Variants in THEMIS2 observed in about 807,000 individuals in gnomAD.
THEMIS2 encodes the protein thymocyte selection associated family member 2.
Under a neutral mutation model 46.8 loss-of-function variants are expected in THEMIS2, and 29 were observed. The observed-to-expected ratio is 0.62, with a 90% confidence interval of 0.46 to 0.84. THEMIS2 has a LOEUF of 0.84. Among genes scored for constraint, THEMIS2 ranks in the 40% least tolerant of loss-of-function variants. The pLI is 0.00. For missense variants in THEMIS2, 698 were observed against 834.7 expected (o/e 0.84, Z 2.02); for synonymous variants, 335 against 349.1 (o/e 0.96, Z 0.45).
chr1:27,879,789 C>A lies in THEMIS2; in HGVS notation c.381C>A (p.Asp127Glu). 1.2e-6 allele frequency: 2 copies of A among 1,614,134 alleles called. No homozygotes were observed. The highest frequency in any genetic ancestry group is 8.5e-7 in the Non-Finnish European group (1 of 1,179,992). ...CAGAGGGCAGGGTGGTGACTGAGGA[C>A]CAGCTCCTCATGCTTGAGGCTGTGG... is the stretch of plus-strand genomic sequence containing the variant. ...IVTEGRVVTE[D>E]QLLMLEAVVM... The change falls in exon 3 of 6, where the codon GAC (aspartate) becomes GAA (glutamate). Residue 127 changes from aspartate (D) to glutamate (E), a missense_variant. Physicochemically the swap from Asp to Glu is conservative, Grantham distance 45. Coordinates refer to ENST00000373921, the MANE Select transcript of THEMIS2 (RefSeq NM_001105556.3).
At position 27,877,328 on chromosome 1, in the gene THEMIS2, T is replaced by C. The variant is rs576771872; in HGVS notation, c.235+600T>C. Among the ~76,000 whole-genome samples, 4 of 152,210 alleles carry C rather than the reference T, an allele frequency of 2.6e-5. No individual in the cohort carries two copies. In the East Asian group the frequency reaches 7.7e-4, roughly 29 times the overall value. On this transcript the variant is annotated intron_variant, in intron 2 of 5. Coordinates refer to ENST00000373921, the MANE Select transcript of THEMIS2 (RefSeq NM_001105556.3). ...GGAGCTCAATTCTTATTATTTTTTT[T>C]TATTTTTACTTTTTGGAGATGGAGT...
chr1:27,877,473 C>CTG (rs2089601548), intron 2 of THEMIS2, among the ~76,000 whole-genome samples: 1 of 151,710 alleles, frequency 6.6e-6, no homozygotes, highest in Non-Finnish European at 1.5e-5. Context: ...CTACAGGCGC[C>CTG]CGCCACCACA....
rs535519556 is a variant in THEMIS2, at chr1:27,882,441, C to T, written c.1117C>T (p.Arg373Trp). ...PEFTSLAVGD[R>W]LEVLGPGQAH... ...GTTCACGTCCCTGGCTGTGGGTGAC[C>T]GGCTGGAGGTGCTGGGGCCTGGCCA... Residue 373 changes from arginine to tryptophan, a missense_variant, in exon 4 of 6, where the codon CGG (arginine) becomes TGG (tryptophan). By Grantham distance (101) the Arg-to-Trp change is moderately radical. Coordinates refer to ENST00000373921, the MANE Select transcript of THEMIS2 (RefSeq NM_001105556.3). The surrounding 1 kb of genome is among the most constrained non-coding windows in gnomAD (Gnocchi z 7.6). 3.7e-6 allele frequency: 6 copies of T among 1,612,346 alleles called. No individual in the cohort carries two copies. The highest frequency in any genetic ancestry group is 1.7e-5 in the Admixed American group (1 of 59,940).
At chr1:27,876,347 G>A (rs1449653931) in intron 1 of THEMIS2, among the ~76,000 whole-genome samples, 3 of 152,088 alleles carry the variant, frequency 2.0e-5, no homozygotes, top group South Asian at 2.1e-4. Context: ...GAGGAGGCAC[G>A]GGGATGTGAA....
At chr1:27,873,455 G>A (rs11587360) in intron 1 of THEMIS2, among the ~76,000 whole-genome samples, 3,262 of 152,210 alleles carry the variant, frequency 0.021, 57 homozygotes, top group Non-Finnish European at 0.034. Context: ...GATGCTGTGT[G>A]GGGGTGCGGG....
chr1:27,882,362 A>C lies in THEMIS2; in HGVS notation c.1038A>C (p.Pro346=). 2.5e-6 allele frequency: 4 copies of C among 1,585,306 alleles called. No homozygotes were observed. Among genetic ancestry groups the C allele is most frequent in the Non-Finnish European group, 3.4e-6 (4 of 1,162,828 alleles). The change falls in exon 4 of 6, where the codon CCA becomes CCC. Residue 346 remains proline (P), a synonymous_variant. Coordinates refer to ENST00000373921, the MANE Select transcript of THEMIS2 (RefSeq NM_001105556.3). This position sits in a 1 kb window ranked among gnomAD's most constrained non-coding sequence, Gnocchi z 7.6. ...TAGGTGCTTTCCAGCCAGGCCGGCC[A>C]CTCCGGGTGGTGGCCACAAAGGACT... The part of the protein sequence containing the change: ...DLLGAFQPGR[P]LRVVATKDCE...
chr1:27,884,997 T>A (rs1290066858), intron 4 of THEMIS2: 1 of 258,138 alleles, frequency 3.9e-6, no homozygotes, highest in East Asian at 1.1e-4. Context: ...TTTGCTTTTT[T>A]CCCCTTCAGC....
At position 27,882,794 on chromosome 1, in the gene THEMIS2, A is replaced by G. The variant is rs3766398; in HGVS notation, c.1470A>G (p.Leu490=). The G allele has an allele frequency of 0.61, 988,056 of 1,613,544 alleles. 311,031 individuals are homozygous for G. Among genetic ancestry groups the G allele is most frequent in the South Asian group, 0.71 (64,355 of 91,044 alleles). ...KITEPFLVVS[L]DSEPGMCFEI... is the part of the protein sequence containing the mutation. ...CAGAGCCATTCTTGGTGGTGAGCCT[A>G]GACTCTGAGCCTGGGATGTGCTTTG... is the stretch of plus-strand genomic sequence containing the variant. Residue 490 remains leucine, a synonymous_variant, in exon 4 of 6, where the codon CTA becomes CTG. Transcript: ENST00000373921. The surrounding 1 kb of genome is among the most constrained non-coding windows in gnomAD (Gnocchi z 7.6).
chr1:27,883,494 C>G (rs572102634), intron 4 of THEMIS2: 3 of 165,064 alleles, frequency 1.8e-5, no homozygotes, highest in East Asian at 1.7e-4. Context: ...TCTTCTGGAA[C>G]CTTCTGTGGC....
rs368929601 is a variant in THEMIS2, at chr1:27,882,158, G to A, written c.834G>A (p.Pro278=). The A allele has an allele frequency of 3.3e-5, 53 of 1,614,172 alleles. No homozygotes were observed. The highest frequency in any genetic ancestry group is 3.7e-5 in the Non-Finnish European group (44 of 1,180,018). The change falls in exon 4 of 6, where the codon CCG becomes CCA. Residue 278 remains proline, a synonymous_variant. Transcript: ENST00000373921. The surrounding 1 kb of genome is among the most constrained non-coding windows in gnomAD (Gnocchi z 7.6). ...VPEGRPIFLS[P]WVGSLQKGQR... ...AGGGCCGCCCCATCTTCCTCAGCCC[G>A]TGGGTGGGCTCCTTGCAAAAAGGCC...
chr1:27,875,867 AT>A (rs1337193210), intron 1 of THEMIS2, among the ~76,000 whole-genome samples: 1 of 151,352 alleles, frequency 6.6e-6, no homozygotes, highest in Non-Finnish European at 1.5e-5. Flanking sequence ...TGCCTGGCTA[AT>A]TTTTTTTGTA....
Position 27,882,436 on chromosome 1 carries a change from GTGACCGGC to G in THEMIS2, c.1115_1122del (p.Asp372GlyfsTer15). 6.2e-7 allele frequency: 1 copy of G among 1,612,622 alleles called. No homozygotes were observed. Among genetic ancestry groups the G allele is most frequent in the African/African-American group, 1.3e-5 (1 of 75,038 alleles). On this transcript the variant is annotated frameshift_variant, in exon 4 of 6. Coordinates refer to ENST00000373921, the MANE Select transcript of THEMIS2 (RefSeq NM_001105556.3). LOFTEE classifies it high-confidence loss of function. The surrounding 1 kb of genome is among the most constrained non-coding windows in gnomAD (Gnocchi z 7.6). ...CCCGAGTTCACGTCCCTGGCTGTGG[GTGACCGGC>G]TGGAGGTGCTGGGGCCTGGCCAGGC...
chr1:27,882,152 C>G lies in THEMIS2; in HGVS notation c.828C>G (p.Leu276=). 1 of 1,614,212 alleles carries G rather than the reference C, an allele frequency of 6.2e-7. No homozygotes were observed. Among genetic ancestry groups the G allele is most frequent in the South Asian group, 1.1e-5 (1 of 91,090 alleles). The change falls in exon 4 of 6, where the codon CTC becomes CTG. Residue 276 remains leucine (L), a synonymous_variant. Transcript: ENST00000373921. This position sits in a 1 kb window ranked among gnomAD's most constrained non-coding sequence, Gnocchi z 7.6. ...TTCCTGAGGGCCGCCCCATCTTCCTCAGCCCGTGGGTGGGCTCCTTGCAAA... is the reference window on the plus strand; with the variant it reads ...TTCCTGAGGGCCGCCCCATCTTCCTGAGCCCGTGGGTGGGCTCCTTGCAAA... ...LEVPEGRPIF[L]SPWVGSLQKG... is the part of the protein sequence containing the mutation.
intron 3 of THEMIS2, among the ~76,000 whole-genome samples, chr1:27,880,543 A>C (rs546200991): frequency 5.5e-4 from 84 of 152,294 alleles, no homozygotes; most frequent in African/African-American, 1.9e-3. Context: ...TGGCTCACGC[A>C]TGTAATACCA....
chr1:27,879,732 C>T lies in THEMIS2; in HGVS notation c.324C>T (p.Pro108=). 6.2e-7 allele frequency: 1 copy of T among 1,614,134 alleles called. No homozygotes were observed. The highest frequency in any genetic ancestry group is 8.5e-7 in the Non-Finnish European group (1 of 1,180,006). Residue 108 remains proline, a synonymous_variant, in exon 3 of 6, where the codon CCC becomes CCT. Transcript: ENST00000373921. ...SATTQSSKQL[P]TCFMSTHRIV... ...CAACTCAGAGCTCCAAGCAGCTGCC[C>T]ACTTGCTTCATGTCGACCCACAGGA...
Position 27,880,021 on chromosome 1 carries a change from C to T in THEMIS2, c.613C>T (p.Arg205Trp), listed in dbSNP as rs550315014. The T allele has an allele frequency of 3.5e-5, 57 of 1,607,506 alleles. No homozygotes were observed. Among genetic ancestry groups the T allele is most frequent in the Non-Finnish European group, 4.3e-5 (51 of 1,175,060 alleles). ...PTLPWHSLIL[R>W]PQYEIQAIMH... is the part of the protein sequence containing the mutation. ...CCTGCCCTGGCATTCCCTGATCCTG[C>T]GGCCCCAGTATGAGATCCAAGCCAT... The change falls in exon 3 of 6, where the codon CGG (arginine) becomes TGG (tryptophan). Residue 205 changes from arginine to tryptophan, a missense_variant. Coordinates refer to ENST00000373921, the MANE Select transcript of THEMIS2 (RefSeq NM_001105556.3).
In THEMIS2 at chr1:27,876,457, G is replaced by A. The variant is rs1481355578; in HGVS notation, c.95-131G>A. ...CTGTGGGCATGAGGCAGGAACGACA[G>A]AGCAGGGCATGCCAGGCAGCAGGCA... On this transcript the variant is annotated intron_variant, in intron 1 of 5. Coordinates refer to ENST00000373921, the MANE Select transcript of THEMIS2 (RefSeq NM_001105556.3). The A allele has an allele frequency of 1.9e-5, 22 of 1,178,550 alleles. No individual in the cohort carries two copies. In the East Asian group the frequency reaches 5.2e-4, roughly 28 times the overall value. 73.0% of individuals were successfully genotyped at this position (1,178,550 alleles called of 1,614,324 possible).
chr1:27,876,843 C>T (rs749871257), intron 2 of THEMIS2, 115 bp downstream of exon 2: 524 of 1,334,332 alleles, frequency 3.9e-4, no homozygotes, highest in Admixed American at 1.4e-3. Flanking sequence ...GGTTTGCTCC[C>T]GAGGCCCTCA....
chr1:27,874,033 G>GTTTTTTTTTTTGT (rs1553123141), intron 1 of THEMIS2, among the ~76,000 whole-genome samples: 6 of 97,164 alleles, frequency 6.2e-5, no homozygotes, highest in African/African-American at 3.1e-4. Context: ...TTCAACCTAG[G>GTTTTTTTTTTTGT]TTTTTTTTTT....
Sources: gnomAD v4.1 joint callset for allele counts (sites outside exome capture counted in the v4.1 genomes callset) on GRCh38, gnomAD v4.1.1 for gene constraint, Gnocchi (gnomAD v3.1) non-coding constraint, MANE v1.5 for transcripts, NCBI Gene and HGNC (gene_info 2026-07-23, HGNC 2026-07-21) for gene names.